ADAMTS17: variants seen among roughly 807,000 people sequenced by gnomAD.
The protein encoded by ADAMTS17 is ADAM metallopeptidase with thrombospondin type 1 motif 17.
Under a neutral mutation model 141.5 loss-of-function variants are expected in ADAMTS17, and 113 were observed. The observed-to-expected ratio is 0.80, with a 90% CI of 0.69 to 0.93. The LOEUF is 0.93. ADAMTS17 is among the 40% of genes least tolerant of loss of function. The pLI, the probability that ADAMTS17 is intolerant of heterozygous loss-of-function variation, is 0.00. For missense variants in ADAMTS17, 1,659 were observed against 1,517.9 expected (o/e 1.09, Z -1.54); for synonymous variants, 768 against 630.6 (o/e 1.22, Z -3.27).
intron 2 of ADAMTS17, among the ~76,000 whole-genome samples, chr15:100,340,331 G>A (rs920153378): frequency 6.6e-6 from 1 of 152,180 alleles, no homozygotes; most frequent in African/African-American, 2.4e-5. Flanking sequence ...TTCGGGGCAG[G>A]GAAGTTACTG....
intron 15 of ADAMTS17, among the ~76,000 whole-genome samples, chr15:100,072,052 G>T (rs919989311): frequency 6.7e-6 from 1 of 149,228 alleles, no homozygotes; most frequent in Non-Finnish European, 1.5e-5. Flanking sequence ...GGCAACTTCC[G>T]CAAAGTCTGA....
chr15:100,082,247 G>A (rs1231367569), intron 15 of ADAMTS17, among the ~76,000 whole-genome samples: 1 of 152,086 alleles, frequency 6.6e-6, no homozygotes, highest in Non-Finnish European at 1.5e-5. Context: ...TGTATTTTTG[G>A]TAGAGATGGG....
At chr15:100,109,673 C>A (rs7167611) in intron 13 of ADAMTS17, among the ~76,000 whole-genome samples, 2 of 151,994 alleles carry the variant, frequency 1.3e-5, no homozygotes, top group Non-Finnish European at 2.9e-5. Context: ...GGGACATGTG[C>A]GCCGCTAGGA....
intron 18 of ADAMTS17, among the ~76,000 whole-genome samples, chr15:100,015,307 T>G (rs2061265957): frequency 6.6e-6 from 1 of 152,252 alleles, no homozygotes; most frequent in Non-Finnish European, 1.5e-5. Flanking sequence ...TGTGGTTCTG[T>G]ATCTTTTCAG....
chr15:100,259,520 G>A (rs1185569242), intron 6 of ADAMTS17, among the ~76,000 whole-genome samples: 2 of 152,228 alleles, frequency 1.3e-5, no homozygotes, highest in Non-Finnish European at 2.9e-5. Flanking sequence ...TCAAAAGCAT[G>A]GGCCAGGTCA....
intron 18 of ADAMTS17, among the ~76,000 whole-genome samples, chr15:100,016,292 C>T (rs969484623): frequency 1.3e-5 from 2 of 152,180 alleles, no homozygotes; most frequent in East Asian, 1.9e-4. Flanking sequence ...GATTTCCTTG[C>T]AGTGGGCTTT....
chr15:100,151,378 A>G (rs113596357), intron 10 of ADAMTS17, among the ~76,000 whole-genome samples: 3 of 152,290 alleles, frequency 2.0e-5, no homozygotes, highest in African/African-American at 7.2e-5. Flanking sequence ...CCAATTTCCT[A>G]AACTAACTTA....
intron 10 of ADAMTS17, among the ~76,000 whole-genome samples, chr15:100,143,904 T>G (rs992411306): frequency 1.3e-5 from 2 of 152,154 alleles, no homozygotes; most frequent in African/African-American, 4.8e-5. Flanking sequence ...AAAACAGCTA[T>G]GAATTGCGAG....
intron 7 of ADAMTS17, among the ~76,000 whole-genome samples, chr15:100,207,479 G>T (rs534309725): frequency 6.6e-6 from 1 of 152,196 alleles, no homozygotes; most frequent in Admixed American, 6.5e-5. Flanking sequence ...CGAGCATGGC[G>T]GCCACCGGAA....
chr15:100,006,017 T>C (rs2061030395), intron 18 of ADAMTS17, among the ~76,000 whole-genome samples: 1 of 152,080 alleles, frequency 6.6e-6, no homozygotes, highest in African/African-American at 2.4e-5. Context: ...GTCTGTGTCC[T>C]TACATGACCC....
chr15:100,029,440 C>G (rs58011003), intron 18 of ADAMTS17, among the ~76,000 whole-genome samples: 1,706 of 152,302 alleles, frequency 0.011, 36 homozygotes, highest in African/African-American at 0.038. Context: ...TCCTTTCATT[C>G]ATCCATTTAT....
At chr15:100,058,262 TGAC>T (rs2032792264) in intron 15 of ADAMTS17, among the ~76,000 whole-genome samples, 2 of 18,650 alleles carry the variant, frequency 1.1e-4, no homozygotes, top group Admixed American at 3.6e-4. Context: ...ATCCCGGCTC[TGAC>T]ACCCCTATCC....
chr15:100,057,732 G>T (rs1480784999), intron 15 of ADAMTS17, among the ~76,000 whole-genome samples: 1 of 152,176 alleles, frequency 6.6e-6, no homozygotes, highest in South Asian at 2.1e-4. Flanking sequence ...TTCACCTTAG[G>T]AAAAGGCAGC....
chr15:100,182,050 G>A (rs964282524), intron 8 of ADAMTS17, among the ~76,000 whole-genome samples: 1 of 152,230 alleles, frequency 6.6e-6, no homozygotes, highest in Non-Finnish European at 1.5e-5. Flanking sequence ...TGTCAGCTGA[G>A]CTCAGCCCGG....
At chr15:100,146,584 C>T (rs2038915465) in intron 10 of ADAMTS17, among the ~76,000 whole-genome samples, 1 of 152,118 alleles carries the variant, frequency 6.6e-6, no homozygotes, top group Non-Finnish European at 1.5e-5. Context: ...AATCTGGGCA[C>T]CTTGAAAAAA....
At chr15:100,186,904 T>C (rs898570284) in intron 8 of ADAMTS17, among the ~76,000 whole-genome samples, 29 of 152,268 alleles carry the variant, frequency 1.9e-4, no homozygotes, top group African/African-American at 6.3e-4. Flanking sequence ...TTGAAATGTA[T>C]GCCATTTGTC....
At chr15:99,983,792 G>C (rs1239220501) in intron 20 of ADAMTS17, among the ~76,000 whole-genome samples, 1 of 152,128 alleles carries the variant, frequency 6.6e-6, no homozygotes, top group Non-Finnish European at 1.5e-5. Flanking sequence ...GTCTCTGAGG[G>C]GCCAGCCTGC....
At chr15:100,166,867 G>C (rs2039970611) in intron 8 of ADAMTS17, among the ~76,000 whole-genome samples, 1 of 152,224 alleles carries the variant, frequency 6.6e-6, no homozygotes, top group Non-Finnish European at 1.5e-5. Context: ...ATTTTGCAGA[G>C]CACCAGGCCC....
At chr15:100,241,373 G>C (rs1437025232) in intron 7 of ADAMTS17, among the ~76,000 whole-genome samples, 1 of 152,226 alleles carries the variant, frequency 6.6e-6, no homozygotes, top group African/African-American at 2.4e-5. Flanking sequence ...AGTCCCCACA[G>C]GGATGGAAGT....
Sources: allele counts gnomAD v4.1 joint callset (sites outside exome capture counted in the v4.1 genomes callset), GRCh38; gene constraint gnomAD v4.1.1; transcripts MANE v1.5; gene names NCBI Gene and HGNC (gene_info 2026-07-23, HGNC 2026-07-21).